SHANK2: variants seen among roughly 807,000 people sequenced by gnomAD.
SHANK2 encodes SH3 and multiple ankyrin repeat domains 2.
SHANK2 carries 43 observed loss-of-function variants against 133.7 expected under a neutral mutation model. That is an observed-to-expected ratio of 0.32 (90% CI 0.25 to 0.41). The LOEUF (loss-of-function observed/expected upper bound fraction) is 0.41, where lower values mean the gene tolerates loss of function less well. Ranked by LOEUF, SHANK2 falls within the 10% of genes least tolerant of loss-of-function variation. SHANK2 has a pLI of 1.00. For synonymous variants in SHANK2, 1,017 were observed against 952.8 expected, an observed-to-expected ratio of 1.07 and a Z score of -1.24; for missense variants, 1,994 against 2,235.8, an observed-to-expected ratio of 0.89 and a Z score of 2.18.
chr11:70,911,175 A>G (rs782236557), intron 10 of SHANK2: 5 of 456,578 alleles, frequency 1.1e-5, no homozygotes, highest in Non-Finnish European at 2.2e-5. Flanking sequence ...CACGAAACAC[A>G]CAGGCCTTAA....
At chr11:70,719,973 A>G (rs1946039854) in intron 14 of SHANK2, among the ~76,000 whole-genome samples, 1 of 152,078 alleles carries the variant, frequency 6.6e-6, no homozygotes, top group Non-Finnish European at 1.5e-5. Flanking sequence ...TTCAAAGCAA[A>G]AGGGTTGGTC....
chr11:70,585,662 T>C (rs1167611950), intron 17 of SHANK2, among the ~76,000 whole-genome samples: 1 of 150,234 alleles, frequency 6.7e-6, no homozygotes, highest in East Asian at 2.0e-4. Context: ...CCTCCATCCA[T>C]TCATCCACCC....
intron 3 of SHANK2, among the ~76,000 whole-genome samples, chr11:71,138,326 T>A (rs1952488589): frequency 6.6e-6 from 1 of 152,054 alleles, no homozygotes; most frequent in African/African-American, 2.4e-5. Flanking sequence ...GGCTCAGACG[T>A]TGCCAGCACA....
At chr11:70,727,107 C>G (rs957316566) in intron 14 of SHANK2, among the ~76,000 whole-genome samples, 2 of 152,236 alleles carry the variant, frequency 1.3e-5, no homozygotes, top group South Asian at 4.1e-4. Flanking sequence ...GCAGCAACAG[C>G]TGACTAATAC....
intron 17 of SHANK2, among the ~76,000 whole-genome samples, chr11:70,564,836 T>C (rs2059948845): frequency 6.6e-6 from 1 of 152,210 alleles, no homozygotes; most frequent in African/African-American, 2.4e-5. Flanking sequence ...TTGATTTGGG[T>C]TAAAATGTAA....
intron 17 of SHANK2, among the ~76,000 whole-genome samples, chr11:70,548,548 C>T (rs887914479): frequency 5.3e-5 from 8 of 152,336 alleles, no homozygotes; most frequent in East Asian, 1.9e-4. Flanking sequence ...TCTGTCCTTC[C>T]CCTTCCAGAG....
At chr11:70,888,058 G>A (rs1432773713) in intron 11 of SHANK2, among the ~76,000 whole-genome samples, 1 of 152,162 alleles carries the variant, frequency 6.6e-6, no homozygotes, top group Admixed American at 6.5e-5. Flanking sequence ...TGATTCCTGA[G>A]GTTGACAGAG....
At chr11:70,772,682 A>G (rs1210840512) in intron 14 of SHANK2, among the ~76,000 whole-genome samples, 1 of 152,146 alleles carries the variant, frequency 6.6e-6, no homozygotes, top group Non-Finnish European at 1.5e-5. Flanking sequence ...TGGGCACTGG[A>G]GGCTGCAGTG....
intron 11 of SHANK2, among the ~76,000 whole-genome samples, chr11:70,823,504 A>C (rs1948583719): frequency 1.4e-5 from 2 of 142,684 alleles, no homozygotes; most frequent in South Asian, 2.3e-4. Flanking sequence ...TGGCATTGGC[A>C]GAACTCATGA....
chr11:70,679,001 C>T (rs552106948), intron 15 of SHANK2, among the ~76,000 whole-genome samples: 2 of 152,306 alleles, frequency 1.3e-5, no homozygotes, highest in East Asian at 3.9e-4. Context: ...GGGATCTCAG[C>T]ATGCTCGCTA....
chr11:70,717,749 C>A (rs547521335), intron 14 of SHANK2, among the ~76,000 whole-genome samples: 1 of 151,998 alleles, frequency 6.6e-6, no homozygotes, highest in South Asian at 2.1e-4. Flanking sequence ...CACTGCTCCT[C>A]GGGGTCTCCA....
intron 17 of SHANK2, among the ~76,000 whole-genome samples, chr11:70,570,081 G>C (rs781825116): frequency 6.6e-6 from 1 of 152,136 alleles, no homozygotes; most frequent in African/African-American, 2.4e-5. Context: ...ATAAGCTGTC[G>C]CTACCTGACT....
chr11:71,226,327 T>C (rs556794252), intron 1 of SHANK2, among the ~76,000 whole-genome samples: 9 of 152,042 alleles, frequency 5.9e-5, no homozygotes, highest in African/African-American at 1.9e-4. Flanking sequence ...TATGGGACAA[T>C]AATAAAATAC....
At chr11:71,245,937 G>A (rs750891140) in intron 1 of SHANK2, among the ~76,000 whole-genome samples, 16 of 152,182 alleles carry the variant, frequency 1.1e-4, no homozygotes, top group Admixed American at 2.6e-4. Context: ...CCCCTGTACG[G>A]GAAGAGGGGA....
intron 11 of SHANK2, among the ~76,000 whole-genome samples, chr11:70,826,954 G>A (rs536971971): frequency 6.6e-6 from 1 of 152,266 alleles, no homozygotes; most frequent in Non-Finnish European, 1.5e-5. Flanking sequence ...CCATGCGCCT[G>A]TGCCTAAATA....
intron 15 of SHANK2, among the ~76,000 whole-genome samples, chr11:70,662,924 A>C (rs181215443): frequency 0.011 from 1,715 of 150,896 alleles, 31 homozygotes; most frequent in African/African-American, 0.039. Context: ...GGCTACCGGC[A>C]CCCCCCCGCC....
chr11:70,910,899 CGTGT>C (rs374516514), intron 10 of SHANK2: 9 of 428,936 alleles, frequency 2.1e-5, no homozygotes, highest in Middle Eastern at 1.1e-3. Context: ...CTTGGTGGTG[CGTGT>C]GTGTGTGTGT....
rs1590833255 is a variant in SHANK2, at chr11:70,919,625, A to C, written c.1108-23058T>G. Among the ~76,000 whole-genome samples the C allele has an allele frequency of 2.6e-5, 4 of 152,044 alleles. No homozygotes were observed. The South Asian group carries it at 8.3e-4, about 31-fold the overall frequency. On this transcript the variant is annotated intron_variant, in intron 10 of 25. Coordinates refer to ENST00000601538, the MANE Select transcript of SHANK2 (RefSeq NM_012309.5). ...TCGAACTCCTGACCTCAGGTGATCC[A>C]CCCGCCTTGACCTCCCAAGGTGCTG...
At chr11:70,496,514 T>G (rs1555157133) in intron 21 of SHANK2, among the ~76,000 whole-genome samples, 1 of 152,062 alleles carries the variant, frequency 6.6e-6, no homozygotes, top group East Asian at 1.9e-4. Context: ...GTGCCCAGGG[T>G]GAAGGAAAGG....
Sources: allele counts gnomAD v4.1 joint callset (sites outside exome capture counted in the v4.1 genomes callset), GRCh38; gene constraint gnomAD v4.1.1; transcripts MANE v1.5; gene names NCBI Gene and HGNC (gene_info 2026-07-23, HGNC 2026-07-21).